The following XPR1 variants were observed in gnomAD, a reference collection of about 807,000 sequenced individuals.
The protein encoded by XPR1 is solute carrier family 53 member 1.
A neutral mutation model predicts 87.5 loss-of-function variants in XPR1; 28 were observed. The observed-to-expected ratio is 0.32, with a 90% CI of 0.24 to 0.44. The LOEUF is 0.44. Among genes scored for constraint, XPR1 ranks in the 20% least tolerant of loss-of-function variants. The pLI, the probability that XPR1 is intolerant of heterozygous loss-of-function variation, is 1.00. For missense variants in XPR1, 559 were observed against 862.3 expected, an observed-to-expected ratio of 0.65 and a Z score of 4.41; for synonymous variants, 300 against 306.1, an observed-to-expected ratio of 0.98 and a Z score of 0.21.
At chr1:180,730,661 T>C (rs563085949) in intron 2 of XPR1, among the ~76,000 whole-genome samples, 4 of 152,208 alleles carry the variant, frequency 2.6e-5, no homozygotes, top group South Asian at 2.1e-4. Flanking sequence ...CACTGTGTTA[T>C]TTCTTTTTTT....
chr1:180,656,072 T>G (rs1459096066), intron 1 of XPR1, among the ~76,000 whole-genome samples: 1 of 151,676 alleles, frequency 6.6e-6, no homozygotes, highest in Non-Finnish European at 1.5e-5. Context: ...TAACTATTTT[T>G]TGGTACCCAT....
intron 2 of XPR1, among the ~76,000 whole-genome samples, chr1:180,741,020 G>A (rs775374201): frequency 2.6e-5 from 4 of 152,152 alleles, no homozygotes; most frequent in Admixed American, 2.6e-4. Context: ...CATCACATTG[G>A]GGGTTAGGAT....
At chr1:180,765,074 C>T (rs973784184) in intron 2 of XPR1, among the ~76,000 whole-genome samples, 4 of 152,144 alleles carry the variant, frequency 2.6e-5, no homozygotes, top group Middle Eastern at 3.2e-3. Flanking sequence ...CGTGAGCTAC[C>T]GCGCTCGGCC....
chr1:180,651,042 C>T (rs1178327474), intron 1 of XPR1, among the ~76,000 whole-genome samples: 1 of 151,818 alleles, frequency 6.6e-6, no homozygotes, highest in East Asian at 1.9e-4. Context: ...ATAACAGGAC[C>T]CCCTTTCGAT....
chr1:180,684,904 C>T (rs1324704117), intron 2 of XPR1, among the ~76,000 whole-genome samples: 2 of 152,174 alleles, frequency 1.3e-5, no homozygotes, highest in African/African-American at 4.8e-5. Context: ...ATGAGGTTTT[C>T]TAGATATACA....
At chr1:180,828,097 G>A (rs1323032787) in intron 9 of XPR1, among the ~76,000 whole-genome samples, 4 of 151,884 alleles carry the variant, frequency 2.6e-5, no homozygotes, top group African/African-American at 4.8e-5. Context: ...AGCTGGTCTC[G>A]AATTCCTGGG....
At chr1:180,680,554 G>A (rs999610884) in intron 1 of XPR1, among the ~76,000 whole-genome samples, 1 of 151,760 alleles carries the variant, frequency 6.6e-6, no homozygotes, top group East Asian at 1.9e-4. Context: ...TAGTAGAGAC[G>A]GGGTTTCACC....
intron 6 of XPR1, among the ~76,000 whole-genome samples, chr1:180,808,221 A>T (rs1650072302): frequency 1.3e-5 from 2 of 152,112 alleles, no homozygotes; most frequent in Admixed American, 6.6e-5. Context: ...TAAAGATATA[A>T]AGCAGATTAG....
rs112054427 is a variant in XPR1 at position 180,813,580 on chromosome 1, AG to A, written c.763+2096del. Reference sequence around the variant, plus strand: ...CGTAGAACACTGCTTAGACCATAGTAGGGGCTTGAAAAGTATTGGGGAAGTT... The same window carrying A: ...CGTAGAACACTGCTTAGACCATAGTAGGGCTTGAAAAGTATTGGGGAAGTT... On this transcript the variant is annotated intron_variant, in intron 7 of 14. Transcript: ENST00000367590. 1.6e-3 allele frequency among the ~76,000 whole-genome samples: 250 copies of A among 152,260 alleles called. 1 individual carries two copies. Among genetic ancestry groups the A allele is most frequent in the African/African-American group, 5.7e-3 (236 of 41,554 alleles).
intron 1 of XPR1, among the ~76,000 whole-genome samples, chr1:180,654,841 C>T (rs920013063): frequency 1.3e-5 from 2 of 151,988 alleles, no homozygotes; most frequent in African/African-American, 2.4e-5. Flanking sequence ...TGCTAAAATA[C>T]GAAGGCAAAA....
At chr1:180,802,615 A>G (rs1283123094) in intron 3 of XPR1, among the ~76,000 whole-genome samples, 1 of 152,206 alleles carries the variant, frequency 6.6e-6, no homozygotes, top group African/African-American at 2.4e-5. Flanking sequence ...TACAACCATC[A>G]CTACCAATTC....
chr1:180,740,749 A>T (rs991307224), intron 2 of XPR1, among the ~76,000 whole-genome samples: 1 of 152,152 alleles, frequency 6.6e-6, no homozygotes, highest in African/African-American at 2.4e-5. Flanking sequence ...ACTGTGCCAC[A>T]TATCAACAAC....
At chr1:180,636,733 A>G (rs929665320) in intron 1 of XPR1, among the ~76,000 whole-genome samples, 35 of 152,176 alleles carry the variant, frequency 2.3e-4, no homozygotes, top group African/African-American at 7.7e-4. Flanking sequence ...CAAAACTCCC[A>G]TGGAGTAAAG....
At chr1:180,775,648 T>TA (rs1221601582) in intron 2 of XPR1, among the ~76,000 whole-genome samples, 1 of 152,194 alleles carries the variant, frequency 6.6e-6, no homozygotes, top group African/African-American at 2.4e-5. Context: ...AAAATGACTT[T>TA]AAATAATGGT....
chr1:180,713,017 T>G (rs1331319071), intron 2 of XPR1, among the ~76,000 whole-genome samples: 1 of 151,044 alleles, frequency 6.6e-6, no homozygotes, highest in Non-Finnish European at 1.5e-5. Context: ...GAATACTCTA[T>G]CCGTTTCTAT....
chr1:180,676,806 T>C (rs1197393924), intron 1 of XPR1, among the ~76,000 whole-genome samples: 3 of 152,230 alleles, frequency 2.0e-5, no homozygotes, highest in Non-Finnish European at 4.4e-5. Context: ...TAAACATGTT[T>C]GTATGTTGAA....
At chr1:180,843,697 T>TAAAA (rs557074080) in intron 11 of XPR1, among the ~76,000 whole-genome samples, 15 of 141,704 alleles carry the variant, frequency 1.1e-4, no homozygotes, top group African/African-American at 3.6e-4. Flanking sequence ...GAAAAGTCTT[T>TAAAA]AAAAAAAAAA....
chr1:180,657,413 C>A (rs1217926086), intron 1 of XPR1, among the ~76,000 whole-genome samples: 3 of 152,008 alleles, frequency 2.0e-5, no homozygotes, highest in Non-Finnish European at 2.9e-5. Context: ...TTAGTAGTTT[C>A]ATAGGTTGAG....
intron 2 of XPR1, among the ~76,000 whole-genome samples, chr1:180,703,129 G>A (rs1012340923): frequency 6.6e-6 from 1 of 152,158 alleles, no homozygotes; most frequent in African/African-American, 2.4e-5. Flanking sequence ...CTTTGCTAGG[G>A]ATGAAAACAC....
Sources: gnomAD v4.1 joint callset for allele counts (sites outside exome capture counted in the v4.1 genomes callset) on GRCh38, gnomAD v4.1.1 for gene constraint, MANE v1.5 for transcripts, NCBI Gene and HGNC (gene_info 2026-07-23, HGNC 2026-07-21) for gene names.